Variants in MARCHF1 observed in about 807,000 individuals in gnomAD.
MARCHF1 encodes membrane associated ring-CH-type finger 1.
Under a neutral mutation model 54.2 loss-of-function variants are expected in MARCHF1, and 40 were observed. The observed-to-expected ratio is 0.74, with a 90% CI of 0.57 to 0.96. MARCHF1 has a LOEUF of 0.96. Ranked by LOEUF, MARCHF1 falls within the 40% of genes least tolerant of loss-of-function variation. MARCHF1 has a pLI of 0.00. For synonymous variants in MARCHF1, 236 were observed against 236.3 expected (o/e 1.00, Z 0.01); for missense variants, 586 against 656.5 (o/e 0.89, Z 1.17).
At chr4:164,236,648 C>T (rs574881071) in intron 1 of MARCHF1, among the ~76,000 whole-genome samples, 9 of 152,216 alleles carry the variant, frequency 5.9e-5, no homozygotes, top group African/African-American at 2.2e-4. Flanking sequence ...AAGTTTTTGC[C>T]ACACTGCACA....
chr4:163,631,331 T>C (rs1353967691), intron 5 of MARCHF1, among the ~76,000 whole-genome samples: 1 of 152,036 alleles, frequency 6.6e-6, no homozygotes. Flanking sequence ...TAGCTGGGAT[T>C]ACAGGCGCCT....
intron 3 of MARCHF1, among the ~76,000 whole-genome samples, chr4:163,984,404 T>C (rs1307289066): frequency 6.6e-6 from 1 of 152,158 alleles, no homozygotes; most frequent in Non-Finnish European, 1.5e-5. Context: ...CAGAAGCAAA[T>C]AACTCATGTT....
chr4:163,933,785 A>C (rs929678924), intron 3 of MARCHF1, among the ~76,000 whole-genome samples: 2 of 152,222 alleles, frequency 1.3e-5, no homozygotes, highest in African/African-American at 4.8e-5. Flanking sequence ...TGGAGGTCAC[A>C]AATTGAAATG....
intron 3 of MARCHF1, among the ~76,000 whole-genome samples, chr4:163,893,695 T>A (rs1340193045): frequency 6.6e-6 from 1 of 152,188 alleles, no homozygotes. Flanking sequence ...GTATTGAGCC[T>A]TTGACACATA....
chr4:164,376,906 T>G (rs903327895), intron 1 of MARCHF1, among the ~76,000 whole-genome samples: 2 of 152,168 alleles, frequency 1.3e-5, no homozygotes, highest in Non-Finnish European at 2.9e-5. Context: ...AAAAAGCATG[T>G]GATATACTTC....
chr4:164,144,453 G>T (rs914255385), intron 1 of MARCHF1, among the ~76,000 whole-genome samples: 1 of 151,392 alleles, frequency 6.6e-6, no homozygotes, highest in African/African-American at 2.4e-5. Flanking sequence ...TAAAAGAACA[G>T]AAATTATAAC....
At chr4:163,618,984 G>T (rs1266455233) in intron 5 of MARCHF1, among the ~76,000 whole-genome samples, 1 of 152,086 alleles carries the variant, frequency 6.6e-6, no homozygotes, top group African/African-American at 2.4e-5. Flanking sequence ...CTCAAGTAGG[G>T]GATGGCAGTC....
rs1731165349 is a variant in MARCHF1 at position 164,193,183 on chromosome 4, T to C, written c.-322-81521A>G. Among the ~76,000 whole-genome samples, 7 of 152,096 alleles carry C rather than the reference T, an allele frequency of 4.6e-5. No homozygotes were observed. The South Asian group carries it at 1.5e-3, about 32-fold the overall frequency. ...CTAAATGACACTCCCACTGGTGCCA[T>C]GACACTTGACAATCACCGTGAATCA... On this transcript the variant is annotated intron_variant, in intron 1 of 9. Transcript: ENST00000514618.
intron 5 of MARCHF1, among the ~76,000 whole-genome samples, chr4:163,641,600 T>C (rs1341730109): frequency 6.6e-6 from 1 of 152,172 alleles, no homozygotes; most frequent in Non-Finnish European, 1.5e-5. Flanking sequence ...AAAGCAAATA[T>C]TTATATGCTA....
chr4:164,068,185 C>T (rs949222621), intron 2 of MARCHF1, among the ~76,000 whole-genome samples: 3 of 152,174 alleles, frequency 2.0e-5, no homozygotes, highest in East Asian at 1.9e-4. Context: ...AACTTAAAAC[C>T]GAGCTACCAT....
At chr4:164,364,434 T>C (rs1038397787) in intron 1 of MARCHF1, among the ~76,000 whole-genome samples, 6 of 152,104 alleles carry the variant, frequency 3.9e-5, no homozygotes, top group Admixed American at 3.9e-4. Flanking sequence ...AACCAAAATA[T>C]GAATAAAAAC....
intron 3 of MARCHF1, among the ~76,000 whole-genome samples, chr4:163,901,127 A>C (rs1212532788): frequency 6.6e-6 from 1 of 152,200 alleles, no homozygotes; most frequent in African/African-American, 2.4e-5. Flanking sequence ...AGAGTAGTAA[A>C]GAGACAATCT....
At chr4:163,786,899 C>T (rs541925609) in intron 4 of MARCHF1, among the ~76,000 whole-genome samples, 1 of 152,026 alleles carries the variant, frequency 6.6e-6, no homozygotes, top group African/African-American at 2.4e-5. Context: ...ATATAGACCA[C>T]TGGAACAGAA....
chr4:163,832,643 G>C, intron 4 of MARCHF1, among the ~76,000 whole-genome samples: 1 of 150,832 alleles, frequency 6.6e-6, no homozygotes, highest in Non-Finnish European at 1.5e-5. Flanking sequence ...CAACGTGCAG[G>C]TTAGTTACAT....
At chr4:164,171,731 T>C (rs1281605681) in intron 1 of MARCHF1, among the ~76,000 whole-genome samples, 2 of 152,218 alleles carry the variant, frequency 1.3e-5, no homozygotes, top group African/African-American at 4.8e-5. Context: ...TGACTTTTTC[T>C]GTCATCCAAA....
chr4:164,320,027 T>C (rs1454479446), intron 1 of MARCHF1, among the ~76,000 whole-genome samples: 1 of 152,196 alleles, frequency 6.6e-6, no homozygotes, highest in African/African-American at 2.4e-5. Context: ...TTTTATGCTT[T>C]ATGCAGACAA....
At position 163,527,876 on chromosome 4, in the gene MARCHF1, TA is replaced by T. The variant is rs959694091; in HGVS notation, c.*871del. On this transcript the variant is annotated 3_prime_UTR_variant, in exon 10 of 10. Transcript: ENST00000514618. Reference sequence around the variant, plus strand: ...ATGTTGAAATAACATATAGTGTTTTTAAAAAATCAAAATTCATTTTAACAAA... The same window carrying T: ...ATGTTGAAATAACATATAGTGTTTTTAAAAATCAAAATTCATTTTAACAAA... The T allele has an allele frequency of 6.6e-6, 1 of 152,156 alleles. No individual in the cohort carries two copies. The highest frequency in any genetic ancestry group is 1.5e-5 in the Non-Finnish European group (1 of 67,976). The allele number at this position is 152,156 out of a possible 1,614,324, so 9.4% of individuals were successfully genotyped here.
chr4:164,033,363 G>A (rs1417737816), intron 2 of MARCHF1, among the ~76,000 whole-genome samples: 1 of 152,044 alleles, frequency 6.6e-6, no homozygotes, highest in Non-Finnish European at 1.5e-5. Flanking sequence ...ACATAGGCAT[G>A]GGCAAAGCTT....
intron 2 of MARCHF1, among the ~76,000 whole-genome samples, chr4:164,088,761 AC>A (rs1276780971): frequency 3.3e-5 from 5 of 152,156 alleles, no homozygotes; most frequent in Non-Finnish European, 5.9e-5. Context: ...ATAAAATAGA[AC>A]AAAATAAGTA....
Sources: gnomAD v4.1 joint callset for allele counts (sites outside exome capture counted in the v4.1 genomes callset) on GRCh38, gnomAD v4.1.1 for gene constraint, MANE v1.5 for transcripts, NCBI Gene and HGNC (gene_info 2026-07-23, HGNC 2026-07-21) for gene names.